Variants in SLIT3 observed in about 807,000 individuals in gnomAD.
The protein encoded by SLIT3 is slit homolog 3 protein.
SLIT3 carries 68 observed loss-of-function variants against 184.0 expected under a neutral mutation model. The ratio of observed to expected loss-of-function variants is 0.37; its 90% CI spans 0.30 to 0.45. The LOEUF is 0.45. Among genes scored for constraint, SLIT3 ranks in the 20% least tolerant of loss-of-function variants. The pLI, the probability that SLIT3 is intolerant of heterozygous loss-of-function variation, is 1.00. For missense variants in SLIT3, 1,707 were observed against 2,026.0 expected, an observed-to-expected ratio of 0.84 and a Z score of 3.02; for synonymous variants, 831 against 828.6, an observed-to-expected ratio of 1.00 and a Z score of -0.05.
At chr5:169,263,672 G>T (rs769608250) in intron 1 of SLIT3, 1 of 511,674 alleles carries the variant, frequency 2.0e-6, no homozygotes, top group Non-Finnish European at 4.0e-6. Context: ...GTGTGCTAGG[G>T]CTGCCATAGC....
intron 6 of SLIT3, among the ~76,000 whole-genome samples, chr5:168,833,862 T>A (rs1420143063): frequency 6.6e-6 from 1 of 152,194 alleles, no homozygotes; most frequent in Non-Finnish European, 1.5e-5. Flanking sequence ...CCAGCTGACC[T>A]CCAGGGTCTT....
chr5:169,064,839 G>A (rs1758292699), intron 4 of SLIT3, among the ~76,000 whole-genome samples: 1 of 152,122 alleles, frequency 6.6e-6, no homozygotes, highest in Non-Finnish European at 1.5e-5. Context: ...ACACCTATGA[G>A]GGACCAAAGA....
At chr5:169,198,992 A>G (rs547905786) in intron 3 of SLIT3, among the ~76,000 whole-genome samples, 1 of 141,826 alleles carries the variant, frequency 7.1e-6, no homozygotes, top group African/African-American at 2.5e-5. Context: ...GTGTATATTT[A>G]TATATATATA....
chr5:169,062,772 T>C (rs916708770), intron 4 of SLIT3, among the ~76,000 whole-genome samples: 18 of 152,154 alleles, frequency 1.2e-4, no homozygotes, highest in African/African-American at 3.9e-4. Flanking sequence ...TGGCTCAGAG[T>C]TGGGTCCAGT....
In SLIT3 at chr5:168,710,932, G is replaced by T; in HGVS notation, c.2682C>A (p.Leu894=). The T allele has an allele frequency of 6.4e-7, 1 of 1,562,934 alleles. No homozygotes were observed. Among genetic ancestry groups the T allele is most frequent in the Non-Finnish European group, 8.7e-7 (1 of 1,153,074 alleles). The part of the protein sequence containing the change: ...CSSPEPMADR[L]LLTTPTHRFQ... Reference sequence around the variant, plus strand: ...AGCGGTGGGTTGGGGTGGTGAGCAGGAGCCTGTCAGCCATGGGCTCAGGGC... The same window carrying T: ...AGCGGTGGGTTGGGGTGGTGAGCAGTAGCCTGTCAGCCATGGGCTCAGGGC... The change falls in exon 25 of 36, where the codon CTC becomes CTA. Residue 894 remains leucine, a synonymous_variant. Transcript: ENST00000519560.
chr5:168,912,058 A>T (rs1373989399), intron 4 of SLIT3, among the ~76,000 whole-genome samples: 1 of 151,922 alleles, frequency 6.6e-6, no homozygotes, highest in East Asian at 1.9e-4. Context: ...AGCAAATCTA[A>T]CCTCCTCTTC....
chr5:168,738,922 A>G (rs1261407977), intron 20 of SLIT3, among the ~76,000 whole-genome samples: 1 of 134,986 alleles, frequency 7.4e-6, no homozygotes, highest in African/African-American at 2.8e-5. Context: ...TGGGTGAAAG[A>G]GCAAGACTCC....
At position 168,676,228 on chromosome 5, in the gene SLIT3, G is replaced by A. The variant is rs572859487; in HGVS notation, c.3687-2897C>T. Among the ~76,000 whole-genome samples, 112 of 152,198 alleles carry A rather than the reference G, an allele frequency of 7.4e-4. 2 individuals are homozygous for A. The highest frequency in any genetic ancestry group is 5.2e-3 in the South Asian group (25 of 4,814). On this transcript the variant is annotated intron_variant, in intron 32 of 35. Coordinates refer to ENST00000519560, the MANE Select transcript of SLIT3 (RefSeq NM_003062.4). ...CCCTTCATCCGCCCACCCACCAAGT[G>A]TCTGCTATGGGCCACCTCGTCCTGG...
intron 4 of SLIT3, among the ~76,000 whole-genome samples, chr5:168,920,808 AT>A (rs34055708): frequency 0.24 from 36,443 of 151,636 alleles, 4,586 homozygotes; most frequent in African/African-American, 0.32. Flanking sequence ...CTCTCTCCCT[AT>A]TTTTTTTAAA....
chr5:169,132,498 A>G (rs920994335), intron 4 of SLIT3, among the ~76,000 whole-genome samples: 51 of 152,212 alleles, frequency 3.4e-4, no homozygotes, highest in African/African-American at 1.2e-3. Flanking sequence ...GTGAACCAAC[A>G]GAGATTTGCC....
chr5:169,135,877 G>A (rs1000639172), intron 4 of SLIT3, among the ~76,000 whole-genome samples: 2 of 152,208 alleles, frequency 1.3e-5, no homozygotes, highest in Non-Finnish European at 2.9e-5. Context: ...CAAGGAACCT[G>A]AGAAGAAACT....
At chr5:169,091,183 C>T (rs1161921034) in intron 4 of SLIT3, among the ~76,000 whole-genome samples, 2 of 152,220 alleles carry the variant, frequency 1.3e-5, no homozygotes, top group Admixed American at 1.3e-4. Context: ...CTTATTTCTT[C>T]ATATTGCCCA....
chr5:168,715,493 C>T (rs980785268), intron 23 of SLIT3, among the ~76,000 whole-genome samples: 1 of 152,106 alleles, frequency 6.6e-6, no homozygotes, highest in African/African-American at 2.4e-5. Context: ...AGGAGAGACA[C>T]TTCTGGGGCT....
At position 168,921,788 on chromosome 5, in the gene SLIT3, G is replaced by C. The variant is rs532277821; in HGVS notation, c.414-38452C>G. Among the ~76,000 whole-genome samples, 7 of 152,312 alleles carry C rather than the reference G, an allele frequency of 4.6e-5. No homozygotes were observed. The South Asian group carries it at 1.5e-3, about 32-fold the overall frequency. On this transcript the variant is annotated intron_variant, in intron 4 of 35. Coordinates refer to ENST00000519560, the MANE Select transcript of SLIT3 (RefSeq NM_003062.4). ...AATGATGGAATGACAAGGAGAAGGA[G>C]AACACTTTGTTTATAAATGCTATCC...
At position 169,114,371 on chromosome 5, in the gene SLIT3, C is replaced by T. The variant is rs370143491; in HGVS notation, c.413+79108G>A. Among the ~76,000 whole-genome samples, 23 of 152,360 alleles carry T rather than the reference C, an allele frequency of 1.5e-4. No homozygotes were observed. In the East Asian group the frequency reaches 3.5e-3, roughly 23 times the overall value. Reference sequence around the variant, plus strand: ...ATGATGAAGCTAGAAGATGTGGTAACTTGCCCAGCGAGTAGCAGAGCCTGG... The same window carrying T: ...ATGATGAAGCTAGAAGATGTGGTAATTTGCCCAGCGAGTAGCAGAGCCTGG... On this transcript the variant is annotated intron_variant, in intron 4 of 35. Coordinates refer to ENST00000519560, the MANE Select transcript of SLIT3 (RefSeq NM_003062.4).
At position 168,663,372 on chromosome 5, in the gene SLIT3, G is replaced by A. The variant is rs1375414553; in HGVS notation, c.*3082C>T. 2.0e-5 allele frequency: 3 copies of A among 152,242 alleles called. No homozygotes were observed. Among genetic ancestry groups the A allele is most frequent in the Admixed American group, 6.5e-5 (1 of 15,286 alleles). The allele number at this position is 152,242 out of a possible 1,614,324, so 9.4% of individuals were successfully genotyped here. A position where few individuals can be genotyped will look rare whatever the true frequency, so the allele number is the denominator to read the frequency against. On this transcript the variant is annotated 3_prime_UTR_variant, in exon 36 of 36. Coordinates refer to ENST00000519560, the MANE Select transcript of SLIT3 (RefSeq NM_003062.4). ...GATCCCAGGATCCTCTTCAAGAGCA[G>A]AGCTTCTAAGCTACCATAGACATTT...
At chr5:169,069,975 G>A (rs1403058733) in intron 4 of SLIT3, among the ~76,000 whole-genome samples, 2 of 152,196 alleles carry the variant, frequency 1.3e-5, no homozygotes, top group Non-Finnish European at 2.9e-5. Context: ...CACGTGCAGT[G>A]CAGAGGATGG....
At chr5:169,202,586 C>T (rs1162510895) in intron 3 of SLIT3, among the ~76,000 whole-genome samples, 1 of 152,142 alleles carries the variant, frequency 6.6e-6, no homozygotes, top group Non-Finnish European at 1.5e-5. Flanking sequence ...CAGAAGGATG[C>T]CCAATAATCC....
intron 4 of SLIT3, among the ~76,000 whole-genome samples, chr5:169,068,136 A>C (rs7701998): frequency 0.062 from 9,500 of 152,294 alleles, 301 homozygotes; most frequent in Non-Finnish European, 0.081. Context: ...GCTGATAAGC[A>C]CTATTCCCCT....
Sources: allele counts gnomAD v4.1 joint callset (sites outside exome capture counted in the v4.1 genomes callset), GRCh38; gene constraint gnomAD v4.1.1; transcripts MANE v1.5; gene names NCBI Gene and HGNC (gene_info 2026-07-23, HGNC 2026-07-21).